ACTA2: variants seen among roughly 807,000 people sequenced by gnomAD.
ACTA2 encodes the protein actin, aortic smooth muscle.
Under a neutral mutation model 39.5 loss-of-function variants are expected in ACTA2, and 12 were observed. The ratio of observed to expected loss-of-function variants is 0.30; its 90% CI spans 0.19 to 0.49. The LOEUF (loss-of-function observed/expected upper bound fraction) is 0.49, where lower values mean the gene tolerates loss of function less well. ACTA2 is among the 20% of genes least tolerant of loss of function. The pLI is 0.99. For synonymous variants in ACTA2, 158 were observed against 180.6 expected, an observed-to-expected ratio of 0.88 and a Z score of 1.00; for missense variants, 236 against 498.8, an observed-to-expected ratio of 0.47 and a Z score of 5.02.
intron 8 of ACTA2, among the ~76,000 whole-genome samples, chr10:88,937,332 T>C (rs372979712): frequency 6.6e-6 from 1 of 152,330 alleles, no homozygotes; most frequent in South Asian, 2.1e-4. Flanking sequence ...CTACTTCCTG[T>C]GACATGGGTC....
At chr10:88,980,737 G>C (rs1194154299) in intron 1 of ACTA2, among the ~76,000 whole-genome samples, 1 of 152,232 alleles carries the variant, frequency 6.6e-6, no homozygotes, top group Admixed American at 6.5e-5. Context: ...GATTAGGAAT[G>C]AGACTCGAGC....
intron 1 of ACTA2, among the ~76,000 whole-genome samples, chr10:88,972,983 A>G (rs1279223758): frequency 6.6e-6 from 1 of 152,260 alleles, no homozygotes; most frequent in Non-Finnish European, 1.5e-5. Context: ...CAATCTATTG[A>G]AAAGAAACAC....
upstream of ACTA2, among the ~76,000 whole-genome samples, chr10:88,956,553 T>G (rs1846141842): frequency 6.6e-6 from 1 of 152,206 alleles, no homozygotes. Flanking sequence ...GTGTGTAAGG[T>G]AACATATCCA....
intron 1 of ACTA2, among the ~76,000 whole-genome samples, chr10:88,986,613 T>C (rs981061970): frequency 6.6e-6 from 1 of 152,018 alleles, no homozygotes; most frequent in Non-Finnish European, 1.5e-5. Flanking sequence ...GCTTCAGGAA[T>C]GTGAGCATGG....
At chr10:88,948,711 G>T in intron 2 of ACTA2, 91 bp downstream of exon 2, 1 of 1,569,398 alleles carries the variant, frequency 6.4e-7, no homozygotes, top group South Asian at 1.1e-5. Flanking sequence ...CATAACTTCT[G>T]GGCAGAAAGA....
intron 5 of ACTA2, among the ~76,000 whole-genome samples, 157 bp downstream of exon 5, chr10:88,941,628 G>C (rs1258402305): frequency 6.6e-6 from 1 of 152,130 alleles, no homozygotes; most frequent in Non-Finnish European, 1.5e-5. Flanking sequence ...GAGATCAAGG[G>C]CTTATTTTGA....
rs185128929 is a variant in ACTA2, at chr10:88,935,403, C to T, written c.991-37G>A. 4.6e-5 allele frequency: 74 copies of T among 1,610,650 alleles called. No homozygotes were observed. The African/African-American group carries it at 8.4e-4, about 18-fold the overall frequency. On this transcript the variant is annotated intron_variant, in intron 8 of 8. Transcript: ENST00000224784. Reference sequence around the variant, plus strand: ...GATGAAAAAGAATGGTCATTAATGTCATCATTAGTGCAGTCGTTAGTGCGG... The same window carrying T: ...GATGAAAAAGAATGGTCATTAATGTTATCATTAGTGCAGTCGTTAGTGCGG...
chr10:88,990,998 G>A lies in ACTA2; in HGVS notation c.-83C>T. 6.4e-7 allele frequency: 1 copy of A among 1,565,080 alleles called. No individual in the cohort carries two copies. Among genetic ancestry groups the A allele is most frequent in the Non-Finnish European group, 8.8e-7 (1 of 1,140,234 alleles). ...GGGCGCGGGACGCGTGCGGGATTGCGGCGGCAGCGGCGCACGCGGGCACCT... is the reference window on the plus strand; with the variant it reads ...GGGCGCGGGACGCGTGCGGGATTGCAGCGGCAGCGGCGCACGCGGGCACCT... On this transcript the variant is annotated 5_prime_UTR_variant, in exon 1 of 5. Coordinates refer to the ACTA2 transcript ENST00000415557. The surrounding 1 kb of genome is among the most constrained non-coding windows in gnomAD (Gnocchi z 4.9).
chr10:88,938,074 G>A lies in ACTA2; in HGVS notation c.977C>T (p.Thr326Ile). The change falls in exon 8 of 9, where the codon ACC (threonine) becomes ATC (isoleucine). Residue 326 changes from threonine to isoleucine, a missense_variant. By Grantham distance (89) the Thr-to-Ile change is moderately conservative (BLOSUM62 -1). Coordinates refer to ENST00000224784, the MANE Select transcript of ACTA2 (RefSeq NM_001613.4). Reference sequence around the variant, plus strand: ...ACTGAACAGTACCTTGATCTTCATGGTGCTGGGTGCTAGGGCCGTGATCTC... The same window carrying A: ...ACTGAACAGTACCTTGATCTTCATGATGCTGGGTGCTAGGGCCGTGATCTC... Reference protein sequence around the residue: ...QKEITALAPSTMKIKIIAPPE... With the variant: ...QKEITALAPSIMKIKIIAPPE... 6.2e-7 allele frequency: 1 copy of A among 1,613,942 alleles called. No homozygotes were observed. The highest frequency in any genetic ancestry group is 8.5e-7 in the Non-Finnish European group (1 of 1,179,896).
intron 1 of ACTA2, among the ~76,000 whole-genome samples, chr10:88,981,453 C>T (rs530667714): frequency 4.6e-5 from 7 of 151,860 alleles, no homozygotes; most frequent in South Asian, 4.2e-4. Flanking sequence ...TAACTATATT[C>T]ACACCAGGAA....
intron 6 of ACTA2, chr10:88,940,278 G>A (rs1845824184): frequency 6.1e-6 from 1 of 164,132 alleles, no homozygotes; most frequent in African/African-American, 2.4e-5. Context: ...TACTGAACGA[G>A]ATACGGAAGA....
At chr10:88,959,235 G>A (rs1198564974) in intron 1 of ACTA2, among the ~76,000 whole-genome samples, 1 of 152,146 alleles carries the variant, frequency 6.6e-6, no homozygotes, top group Non-Finnish European at 1.5e-5. Context: ...GACAGCACAG[G>A]AGTAATAAGT....
At chr10:88,988,165 G>C (rs1846963426) in intron 1 of ACTA2, among the ~76,000 whole-genome samples, 1 of 152,070 alleles carries the variant, frequency 6.6e-6, no homozygotes, top group Admixed American at 6.5e-5. Context: ...CTGACTAAAA[G>C]AACCACTCAC....
rs1564645689 is a variant in ACTA2, at chr10:88,943,779, C to CT, written c.369+17dup. ...TCCCCAGACCCCACAGTGTTGTGTG[C>CT]TGGGGTAGCATACTTACTTGAGTCA... is the stretch of plus-strand genomic sequence containing the variant. On this transcript the variant is annotated intron_variant, in intron 4 of 8. Coordinates refer to ENST00000224784, the MANE Select transcript of ACTA2 (RefSeq NM_001613.4). 6.3e-7 allele frequency: 1 copy of CT among 1,592,664 alleles called. No homozygotes were observed. The highest frequency in any genetic ancestry group is 1.1e-5 in the South Asian group (1 of 90,680).
Position 88,990,780 on chromosome 10 carries a change from C to A in ACTA2, c.-24+159G>T. On this transcript the variant is annotated intron_variant, in intron 1 of 4. Coordinates refer to the ACTA2 transcript ENST00000415557. The surrounding 1 kb of genome is among the most constrained non-coding windows in gnomAD (Gnocchi z 4.9). ...GAACACACCCTGAGGCCAGCCCTGG[C>A]TGCCCAGGCGGAGCTGCCTCTTCTC... 1 of 1,531,682 alleles carries A rather than the reference C, an allele frequency of 6.5e-7. No individual in the cohort carries two copies. The highest frequency in any genetic ancestry group is 9.0e-7 in the Non-Finnish European group (1 of 1,107,278). The allele number at this position is 1,531,682 out of a possible 1,614,324, so 94.9% of individuals were successfully genotyped here. A position where few individuals can be genotyped will look rare whatever the true frequency, so the allele number is the denominator to read the frequency against.
At chr10:88,957,781 T>A (rs561585785) in intron 1 of ACTA2, among the ~76,000 whole-genome samples, 1 of 152,246 alleles carries the variant, frequency 6.6e-6, no homozygotes, top group African/African-American at 2.4e-5. Context: ...CACTTCTTTT[T>A]TTTTGAGCTG....
rs764351626 is a variant in ACTA2, at chr10:88,935,359, G to A, written c.998C>T (p.Ala333Val). The change falls in exon 9 of 9, where the codon GCC (alanine) becomes GTC (valine). Residue 333 changes from alanine to valine, a missense_variant. Transcript: ENST00000224784. ...APSTMKIKII[A>V]PPERKYSVWI... ...GACAGAGTATTTGCGCTCCGGAGGG[G>A]CAATGATCTGTCAGTCAAGATGAAA... The A allele has an allele frequency of 6.2e-7, 1 of 1,613,762 alleles. No homozygotes were observed. Among genetic ancestry groups the A allele is most frequent in the Non-Finnish European group, 8.5e-7 (1 of 1,179,750 alleles).
chr10:88,941,466 C>A, intron 5 of ACTA2, 76 bp from the exon 6 acceptor site: 1 of 1,581,038 alleles, frequency 6.3e-7, no homozygotes, highest in Admixed American at 1.7e-5. Context: ...AGAGGGAAGC[C>A]TTGGGGGAGA....
rs141933412 is a variant in ACTA2, at chr10:88,941,849, A to G, written c.390T>C (p.Asn130=). 98 of 1,612,800 alleles carry G rather than the reference A, an allele frequency of 6.1e-5. No individual in the cohort carries two copies. Among genetic ancestry groups the G allele is most frequent in the Non-Finnish European group, 8.1e-5 (95 of 1,179,482 alleles). ...KMTQIMFETF[N]VPAMYVAIQA... ...GGATAGCCACATACATGGCTGGGAC[A>G]TTGAAAGTCTCAAACATAATCTGCA... Residue 130 remains asparagine (N), a synonymous_variant, in exon 5 of 9, where the codon AAT becomes AAC. Transcript: ENST00000224784.
Sources: gnomAD v4.1 joint callset for allele counts (sites outside exome capture counted in the v4.1 genomes callset) on GRCh38, gnomAD v4.1.1 for gene constraint, Gnocchi (gnomAD v3.1) non-coding constraint, MANE v1.5 for transcripts, NCBI Gene and HGNC (gene_info 2026-07-23, HGNC 2026-07-21) for gene names.